Variants in ZNFX1 observed in about 807,000 individuals in gnomAD.
The protein encoded by ZNFX1 is zinc finger NFX1-type containing 1, also known as NFX1-type zinc finger-containing protein 1.
Under a neutral mutation model 179.8 loss-of-function variants are expected in ZNFX1, and 78 were observed. The observed-to-expected ratio is 0.43, with a 90% CI of 0.36 to 0.52. ZNFX1 has a LOEUF of 0.52. Among genes scored for constraint, ZNFX1 ranks in the 20% least tolerant of loss-of-function variants. The pLI is 0.00. For missense variants in ZNFX1, 1,927 were observed against 2,386.6 expected, an observed-to-expected ratio of 0.81 and a Z score of 4.01; for synonymous variants, 848 against 868.5, an observed-to-expected ratio of 0.98 and a Z score of 0.42.
chr20:49,263,410 C>A lies in ZNFX1; in HGVS notation c.2225G>T (p.Gly742Val), dbSNP rs1568985391. Residue 742 changes from glycine to valine, a missense_variant, in exon 6 of 14, where the codon GGT (glycine) becomes GTT (valine). Gly to Val is a moderately radical substitution (Grantham distance 109, BLOSUM62 -3). Transcript: ENST00000396105. ...GAKTLECTMR[G>V]VLREQYLQKY... is the part of the protein sequence containing the mutation. ...CTGCAGGTACTGTTCCCGTAGGACA[C>A]CACGCATGGTGCACTCCAGGGTCTT... The A allele has an allele frequency of 1.2e-6, 2 of 1,613,514 alleles. No homozygotes were observed. Among genetic ancestry groups the A allele is most frequent in the Non-Finnish European group, 8.5e-7 (1 of 1,179,768 alleles).
At chr20:49,275,540 A>G (rs183701946) in intron 2 of ZNFX1, among the ~76,000 whole-genome samples, 54 of 152,130 alleles carry the variant, frequency 3.5e-4, no homozygotes, top group African/African-American at 1.3e-3. Context: ...ATTTTTTTGT[A>G]GAGAAAGCCT....
rs1345356760 is a variant in ZNFX1 at position 49,271,673 on chromosome 20, C to T, written c.139G>A (p.Ala47Thr). The T allele has an allele frequency of 1.2e-6, 2 of 1,613,924 alleles. No individual in the cohort carries two copies. The highest frequency in any genetic ancestry group is 1.7e-6 in the Non-Finnish European group (2 of 1,179,962). ...CTAGGATGCCTTCCAGGGTGGCTGG[C>T]TCCTCCTCGGAGAGCATTGGCTGGT... ...NPPANALRGG[A>T]SHPGRHPRAN... The change falls in exon 3 of 14, where the codon GCC becomes ACC. Residue 47 changes from alanine to threonine, a missense_variant. Physicochemically the swap from Ala to Thr is moderately conservative, Grantham distance 58. Transcript: ENST00000396105.
At position 49,246,921 on chromosome 20, in the gene ZNFX1, T is replaced by C; in HGVS notation, c.*346A>G. 2.1e-6 allele frequency: 1 copy of C among 465,640 alleles called. No individual in the cohort carries two copies. The highest frequency in any genetic ancestry group is 1.6e-5 in the South Asian group (1 of 64,088). 28.8% of individuals were successfully genotyped at this position (465,640 alleles called of 1,614,324 possible). A position where few individuals can be genotyped will look rare whatever the true frequency, so the allele number is the denominator to read the frequency against. ...CTTGCTCCTGTCGCCCAGACTGGAG[T>C]GCAATGGCATGATCTCAGCTCACTG... On this transcript the variant is annotated 3_prime_UTR_variant, in exon 14 of 14. Coordinates refer to ENST00000396105, the MANE Select transcript of ZNFX1 (RefSeq NM_021035.3).
intron 4 of ZNFX1, 39 bp downstream of exon 4, chr20:49,266,096 A>G: frequency 6.3e-7 from 1 of 1,595,260 alleles, no homozygotes; most frequent in Non-Finnish European, 8.5e-7. Context: ...TTCAATCATC[A>G]ACATCTTGAT....
At chr20:49,265,145 G>A (rs1351018733) in intron 4 of ZNFX1, among the ~76,000 whole-genome samples, 1 of 152,190 alleles carries the variant, frequency 6.6e-6, no homozygotes. Context: ...CAAGTGACTT[G>A]AGTCTCAGTT....
At chr20:49,267,449 G>A (rs1483186253) in intron 3 of ZNFX1, among the ~76,000 whole-genome samples, 3 of 150,054 alleles carry the variant, frequency 2.0e-5, no homozygotes, top group Non-Finnish European at 4.4e-5. Context: ...ACAGGTACTC[G>A]TCAAGACGTC....
At chr20:49,273,709 C>A (rs1034770590) in intron 2 of ZNFX1, among the ~76,000 whole-genome samples, 1 of 152,090 alleles carries the variant, frequency 6.6e-6, no homozygotes, top group Non-Finnish European at 1.5e-5. Context: ...GCAGGCAGAT[C>A]GCTTGAGCTC....
In ZNFX1 at chr20:49,248,707, C is replaced by T. The variant is rs1266624473; in HGVS notation, c.4317G>A (p.Leu1439=). ...AGCCTGGGCAAGGATGCCCGCAGTC[C>T]AAGATAGTGCCACACTTTGTGGTAC... The part of the protein sequence containing the change: ...VKCTTKCGTI[L]DCGHPCPGSC... The change falls in exon 14 of 14, where the codon TTG becomes TTA. Residue 1439 remains leucine (L), a synonymous_variant. Coordinates refer to ENST00000396105, the MANE Select transcript of ZNFX1 (RefSeq NM_021035.3). The surrounding 1 kb of genome is among the most constrained non-coding windows in gnomAD (Gnocchi z 4.6). 1.9e-6 allele frequency: 3 copies of T among 1,612,532 alleles called. No individual in the cohort carries two copies. Among genetic ancestry groups the T allele is most frequent in the Non-Finnish European group, 1.7e-6 (2 of 1,180,048 alleles).
chr20:49,247,098 AC>A lies in ZNFX1; in HGVS notation c.*168del, dbSNP rs1332279569. The stretch of plus-strand genomic sequence containing the variant: ...TGGTCAGGCTGGTCTCGAACTCCTG[AC>A]CTCGTGATCCGCCTGCCTCGGCCTC... On this transcript the variant is annotated 3_prime_UTR_variant, in exon 14 of 14. Coordinates refer to ENST00000396105, the MANE Select transcript of ZNFX1 (RefSeq NM_021035.3). 1 of 826,264 alleles carries A rather than the reference AC, an allele frequency of 1.2e-6. No individual in the cohort carries two copies. The highest frequency in any genetic ancestry group is 2.7e-5 in the East Asian group (1 of 36,524). The allele number at this position is 826,264 out of a possible 1,614,324, so 51.2% of individuals were successfully genotyped here. A position where few individuals can be genotyped will look rare whatever the true frequency, so the allele number is the denominator to read the frequency against.
In ZNFX1 at chr20:49,260,515, A is replaced by G. The variant is rs1332550967; in HGVS notation, c.2364T>C (p.Leu788=). ...KHSMMLEWLG[L]GVGSFTQSVS... ...CACTTTGCGTGAAAGAACCGACACC[A>G]AGACCTAGCCACTCCAGCATCATGG... The change falls in exon 7 of 14, where the codon CTT becomes CTC. Residue 788 remains leucine, a synonymous_variant. Transcript: ENST00000396105. The G allele has an allele frequency of 3.1e-6, 5 of 1,613,454 alleles. No homozygotes were observed. The highest frequency in any genetic ancestry group is 1.1e-5 in the South Asian group (1 of 90,934).
At chr20:49,260,678 A>C in intron 6 of ZNFX1, 101 bp from the exon 7 acceptor site, 6 of 800,142 alleles carry the variant, frequency 7.5e-6, no homozygotes, top group Non-Finnish European at 1.2e-5. Flanking sequence ...ATGGTAGCTC[A>C]TGCCTGTAAT....
At chr20:49,276,213 A>G (rs1171917211) in intron 1 of ZNFX1, among the ~76,000 whole-genome samples, 1 of 152,192 alleles carries the variant, frequency 6.6e-6, no homozygotes, top group African/African-American at 2.4e-5. Context: ...TTACTTAATC[A>G]GTTGCTAGGT....
chr20:49,255,041 A>AC (rs1394308037), intron 9 of ZNFX1, among the ~76,000 whole-genome samples: 1 of 104,540 alleles, frequency 9.6e-6, no homozygotes, highest in Non-Finnish European at 2.0e-5. Context: ...GCTTTCTACT[A>AC]CTTTTTTTTT....
Position 49,245,915 on chromosome 20 carries a change from T to C in ZNFX1, c.*1352A>G, listed in dbSNP as rs1980658854. On this transcript the variant is annotated 3_prime_UTR_variant, in exon 14 of 14. Coordinates refer to ENST00000396105, the MANE Select transcript of ZNFX1 (RefSeq NM_021035.3). ...GGACCACTGATTTTCTCAATCATTG[T>C]TTTTAATTGGCTTTATAAGCTAAAG... 6.6e-6 allele frequency: 1 copy of C among 152,614 alleles called. No homozygotes were observed. The allele number at this position is 152,614 out of a possible 1,614,324, so 9.5% of individuals were successfully genotyped here.
rs1568981695 is a variant in ZNFX1, at chr20:49,251,613, A to T, written c.3226T>A (p.Cys1076Ser). Residue 1076 changes from cysteine to serine, a missense_variant, in exon 13 of 14, where the codon TGC becomes AGC. Physicochemically the swap from Cys to Ser is moderately radical, Grantham distance 112. Transcript: ENST00000396105. ...FVRLNYQHRM[C>S]PEIARLLTPH... The stretch of plus-strand genomic sequence containing the variant: ...GTCAAAAGGCGGGCAATTTCAGGGC[A>T]CATACGGTGCTGAAAAAACACATGC... The T allele has an allele frequency of 6.2e-7, 1 of 1,610,820 alleles. No homozygotes were observed. Among genetic ancestry groups the T allele is most frequent in the Non-Finnish European group, 8.5e-7 (1 of 1,178,596 alleles).
chr20:49,270,287 T>C lies in ZNFX1; in HGVS notation c.1525A>G (p.Thr509Ala), dbSNP rs755749471. The change falls in exon 3 of 14, where the codon ACT (threonine) becomes GCT (alanine). Residue 509 changes from threonine to alanine, a missense_variant. Thr to Ala is a moderately conservative substitution (Grantham distance 58, BLOSUM62 0). Transcript: ENST00000396105. This position sits in a 1 kb window ranked among gnomAD's most constrained non-coding sequence, Gnocchi z 4.6. ...TGCCTGTAGGCCTCAAAGTATGCAG[T>C]TGTCTCTACCATGAGGAAAGAGTCA... The part of the protein sequence containing the change: ...PSDSFLMVET[T>A]AYFEAYRHVL... The C allele has an allele frequency of 3.7e-6, 6 of 1,613,966 alleles. No individual in the cohort carries two copies. The Admixed American group carries it at 1.0e-4, about 27-fold the overall frequency.
At position 49,257,640 on chromosome 20, in the gene ZNFX1, T is replaced by A. The variant is rs1180257333; in HGVS notation, c.2441A>T (p.Glu814Val). Reference protein sequence around the residue: ...NTAQAEGDEEEEGEEESSLIE... With the variant: ...NTAQAEGDEEVEGEEESSLIE... ...CAGCGAACTCTCCTCCTCCCCTTCT[T>A]CCTCCTCATCCCCTTCTGCCTGGGC... is the stretch of plus-strand genomic sequence containing the variant. Residue 814 changes from glutamate to valine, a missense_variant, in exon 8 of 14, where the codon GAA becomes GTA. Physicochemically the swap from Glu to Val is moderately radical, Grantham distance 121 (BLOSUM62 -2). Coordinates refer to ENST00000396105, the MANE Select transcript of ZNFX1 (RefSeq NM_021035.3). 1 of 1,613,142 alleles carries A rather than the reference T, an allele frequency of 6.2e-7. No individual in the cohort carries two copies. The highest frequency in any genetic ancestry group is 8.5e-7 in the Non-Finnish European group (1 of 1,179,860).
rs146287599 is a variant in ZNFX1 at position 49,249,430 on chromosome 20, C to T, written c.3594G>A (p.Ser1198=). 2.9e-4 allele frequency: 476 copies of T among 1,614,208 alleles called. No homozygotes were observed. Among genetic ancestry groups the T allele is most frequent in the Non-Finnish European group, 3.7e-4 (436 of 1,180,040 alleles). ...QGEENDIILL[S]LVRSNQEGKV... ...TGCCTTCTTGGTTGCTCCGCACTAG[C>T]GAGAGGAGGATGATGTCATTCTCTT... is the stretch of plus-strand genomic sequence containing the variant. The change falls in exon 14 of 14, where the codon TCG becomes TCA. Residue 1198 remains serine, a synonymous_variant. Coordinates refer to ENST00000396105, the MANE Select transcript of ZNFX1 (RefSeq NM_021035.3).
chr20:49,256,782 T>G (rs1255507326), intron 8 of ZNFX1, among the ~76,000 whole-genome samples: 1 of 152,238 alleles, frequency 6.6e-6, no homozygotes, highest in Non-Finnish European at 1.5e-5. Context: ...AGATGAAAAC[T>G]GCATCCAAAG....
Sources: gnomAD v4.1 joint callset for allele counts (sites outside exome capture counted in the v4.1 genomes callset) on GRCh38, gnomAD v4.1.1 for gene constraint, Gnocchi (gnomAD v3.1) non-coding constraint, MANE v1.5 for transcripts, NCBI Gene and HGNC (gene_info 2026-07-23, HGNC 2026-07-21) for gene names.